The following ARL10 variants were observed in gnomAD, a reference collection of about 807,000 sequenced individuals.
The protein encoded by ARL10 is ARF like GTPase 10, also known as ADP-ribosylation factor-like protein 10.
In ARL10, 23 loss-of-function variants were observed where a neutral mutation model predicts 26.1. The ratio of observed to expected loss-of-function variants is 0.88; its 90% CI spans 0.63 to 1.25. ARL10 has a LOEUF of 1.25. Among genes scored for constraint, ARL10 ranks in the 50% most tolerant of loss-of-function variants. The pLI is 0.00. For synonymous variants in ARL10, 138 were observed against 149.1 expected (o/e 0.93, Z 0.54); for missense variants, 300 against 323.6 (o/e 0.93, Z 0.56).
At chr5:176,389,419 C>T, downstream of ARL10, 1 of 1,614,198 alleles carries the variant, frequency 6.2e-7, no homozygotes, top group Non-Finnish European at 8.5e-7. Flanking sequence ...TGATGCGCAC[C>T]CGGATCGCCG....
the ARL10 span, chr5:176,410,194 G>C: frequency 7.1e-7 from 1 of 1,399,704 alleles, no homozygotes; most frequent in Non-Finnish European, 1.0e-6. Flanking sequence ...CAACAATGAG[G>C]CTTTAGGTTA....
chr5:176,367,725 T>C (rs1768366634), intron 2 of ARL10, among the ~76,000 whole-genome samples: 1 of 152,242 alleles, frequency 6.6e-6, no homozygotes, highest in Admixed American at 6.5e-5. Flanking sequence ...TGGCTCCTTC[T>C]CATCATCCCA....
At chr5:176,408,034 T>A in the ARL10 span, among the ~76,000 whole-genome samples, 1 of 152,168 alleles carries the variant, frequency 6.6e-6, no homozygotes, top group South Asian at 2.1e-4. Flanking sequence ...TGAGTGGGAA[T>A]GAAGGCTCTG....
At position 176,381,837 on chromosome 5, in the gene ARL10, G is replaced by A. The variant is rs553071174; in HGVS notation, c.*9942G>A. The A allele has an allele frequency of 5.9e-5, 9 of 152,318 alleles. No individual in the cohort carries two copies. The highest frequency in any genetic ancestry group is 1.2e-4 in the Non-Finnish European group (8 of 68,028). The allele number at this position is 152,318 out of a possible 1,614,324, so 9.4% of individuals were successfully genotyped here. ...TAATGAAGATCTGTCTGAGTCTAAT[G>A]AATATATTGTACAATTTTTAAAGTC... is the stretch of plus-strand genomic sequence containing the variant. On this transcript the variant is annotated 3_prime_UTR_variant, in exon 4 of 4. Coordinates refer to ENST00000310389, the MANE Select transcript of ARL10 (RefSeq NM_173664.6).
the ARL10 span, among the ~76,000 whole-genome samples, chr5:176,413,347 G>C: frequency 1.3e-5 from 2 of 152,240 alleles, no homozygotes; most frequent in Non-Finnish European, 2.9e-5. Context: ...GGCTTGCCCA[G>C]AACTGACAGG....
chr5:176,394,351 C>T (rs182676523), intron 1 of ARL10, among the ~76,000 whole-genome samples: 194 of 152,338 alleles, frequency 1.3e-3, no homozygotes, highest in Non-Finnish European at 2.1e-3. Flanking sequence ...AGGGTTTTCA[C>T]GAGACCCCCT....
chr5:176,366,339 G>C (rs1185711843), intron 1 of ARL10, 41 bp from the exon 2 acceptor site: 1 of 1,564,694 alleles, frequency 6.4e-7, no homozygotes, highest in Non-Finnish European at 8.6e-7. Context: ...AAGGTCCTTC[G>C]GGAGGCCGCC....
rs188320921 is a variant in ARL10 at position 176,372,473 on chromosome 5, C to T, written c.*578C>T. The T allele has an allele frequency of 6.1e-4, 98 of 160,828 alleles. No homozygotes were observed. The highest frequency in any genetic ancestry group is 1.1e-3 in the African/African-American group (46 of 41,962). 10.0% of individuals were successfully genotyped at this position (160,828 alleles called of 1,614,324 possible). A position where few individuals can be genotyped will look rare whatever the true frequency, so the allele number is the denominator to read the frequency against. ...TTTAAAGGGAGGTGGTTTCCTAATT[C>T]GGAGATGCCTTTCCCAGCCATGGGA... is the stretch of plus-strand genomic sequence containing the variant. On this transcript the variant is annotated 3_prime_UTR_variant, in exon 4 of 4. Coordinates refer to ENST00000310389, the MANE Select transcript of ARL10 (RefSeq NM_173664.6).
downstream of ARL10, chr5:176,386,764 G>T: frequency 7.8e-7 from 1 of 1,286,416 alleles, no homozygotes; most frequent in Non-Finnish European, 1.1e-6. Context: ...TCTGCAAAAT[G>T]AGGACATCTT....
At chr5:176,389,407 C>T (rs374213515), downstream of ARL10, 162 of 1,614,102 alleles carry the variant, frequency 1.0e-4, no homozygotes, top group Non-Finnish European at 1.3e-4. Context: ...GCTCTCAGCT[C>T]ATGATGCGCA....
downstream of ARL10, among the ~76,000 whole-genome samples, chr5:176,382,381 T>C (rs933916496): frequency 7.2e-5 from 11 of 152,202 alleles, 1 homozygote; most frequent in Non-Finnish European, 1.5e-5. Context: ...AGTGAAATGT[T>C]TGGGCAGCTC....
chr5:176,367,801 T>G, intron 2 of ARL10: 1 of 494,738 alleles, frequency 2.0e-6, no homozygotes. Flanking sequence ...CCAACCCCTG[T>G]TCCACCTCAG....
downstream of ARL10, chr5:176,392,808 A>G: frequency 1.9e-6 from 3 of 1,614,188 alleles, no homozygotes; most frequent in Non-Finnish European, 2.5e-6. This position sits in a 1 kb window ranked among gnomAD's most constrained non-coding sequence, Gnocchi z 5.2. Context: ...CAGGGACATG[A>G]GCACCGAGCG....
intron 1 of ARL10, chr5:176,396,648 A>C: frequency 2.6e-6 from 2 of 770,242 alleles, no homozygotes; most frequent in Non-Finnish European, 4.5e-6. Flanking sequence ...CCAGTGGGAG[A>C]AATGTTAGGA....
At position 176,368,136 on chromosome 5, in the gene ARL10, G is replaced by A. The variant is rs1003813163; in HGVS notation, c.386-671G>A. The A allele has an allele frequency of 2.1e-5, 9 of 433,508 alleles. No homozygotes were observed. Among genetic ancestry groups the A allele is most frequent in the African/African-American group, 1.7e-4 (8 of 48,376 alleles). The allele number at this position is 433,508 out of a possible 1,614,324, so 26.9% of individuals were successfully genotyped here. A position where few individuals can be genotyped will look rare whatever the true frequency, so the allele number is the denominator to read the frequency against. On this transcript the variant is annotated intron_variant, in intron 2 of 3. Transcript: ENST00000310389. The surrounding 1 kb of genome is among the most constrained non-coding windows in gnomAD (Gnocchi z 4.1). ...AGGGTGCGGGGTGACCAATGGGACT[G>A]TGCAGAGGAGCAGAGAGGAAAAGAA...
At chr5:176,371,102 T>C (rs576759119) in intron 3 of ARL10, among the ~76,000 whole-genome samples, 20 of 152,280 alleles carry the variant, frequency 1.3e-4, no homozygotes, top group South Asian at 6.2e-4. Context: ...TAGCCGGGCG[T>C]GGTGGCTCAT....
At chr5:176,414,394 C>T in the ARL10 span, among the ~76,000 whole-genome samples, 1 of 152,038 alleles carries the variant, frequency 6.6e-6, no homozygotes, top group East Asian at 1.9e-4. Flanking sequence ...TCTCACCCCA[C>T]ATCCTATCTC....
chr5:176,383,739 C>T (rs1755613466), downstream of ARL10, among the ~76,000 whole-genome samples: 3 of 152,324 alleles, frequency 2.0e-5, no homozygotes, highest in South Asian at 6.2e-4. Context: ...GGGTTGCCGG[C>T]AAGCTTCTGT....
chr5:176,372,113 A>T lies in ARL10; in HGVS notation c.*218A>T. ...CGAAGCAGGGAGGTGGGTGAGACAG[A>T]GGGTGGGGAGGATAGTGTCTGGCTC... On this transcript the variant is annotated 3_prime_UTR_variant, in exon 4 of 4. Coordinates refer to ENST00000310389, the MANE Select transcript of ARL10 (RefSeq NM_173664.6). 7.1e-7 allele frequency: 1 copy of T among 1,399,916 alleles called. No homozygotes were observed. Among genetic ancestry groups the T allele is most frequent in the Non-Finnish European group, 9.3e-7 (1 of 1,074,778 alleles). 86.7% of individuals were successfully genotyped at this position (1,399,916 alleles called of 1,614,324 possible). A position where few individuals can be genotyped will look rare whatever the true frequency, so the allele number is the denominator to read the frequency against.
Sources: gnomAD v4.1 joint callset for allele counts (sites outside exome capture counted in the v4.1 genomes callset) on GRCh38, gnomAD v4.1.1 for gene constraint, Gnocchi (gnomAD v3.1) non-coding constraint, MANE v1.5 for transcripts, NCBI Gene and HGNC (gene_info 2026-07-23, HGNC 2026-07-21) for gene names.